Variants in DICER1 observed in about 807,000 individuals in gnomAD.
DICER1 encodes dicer 1, ribonuclease III, also known as endoribonuclease Dicer.
Under a neutral mutation model 194.1 loss-of-function variants are expected in DICER1, and 43 were observed. The ratio of observed to expected loss-of-function variants is 0.22; its 90% CI spans 0.17 to 0.29. The LOEUF (loss-of-function observed/expected upper bound fraction) is 0.29. Among genes scored for constraint, DICER1 ranks in the 10% least tolerant of loss-of-function variants. The pLI, the probability that DICER1 is intolerant of heterozygous loss-of-function variation, is 1.00. For missense variants in DICER1, 1,608 were observed against 2,317.0 expected (o/e 0.69, Z 6.28); for synonymous variants, 832 against 820.5 (o/e 1.01, Z -0.24).
At chr14:95,122,439 C>T (rs1264905938) in intron 8 of DICER1, among the ~76,000 whole-genome samples, 1 of 152,146 alleles carries the variant, frequency 6.6e-6, no homozygotes, top group Non-Finnish European at 1.5e-5. Context: ...TCCCAAAATG[C>T]TTTTTCCCTG....
chr14:95,094,062 C>T lies in DICER1; in HGVS notation c.5190G>A (p.Gly1730=), dbSNP rs371759757. 17 of 1,613,904 alleles carry T rather than the reference C, an allele frequency of 1.1e-5. No homozygotes were observed. The highest frequency in any genetic ancestry group is 3.3e-4 in the Middle Eastern group (2 of 6,084). ...LYEDPRQHSP[G]VLTDLRSALV... is the part of the protein sequence containing the mutation. ...GGGCAGACCGCAGGTCTGTCAGGAC[C>T]CCCGGGGAGTGCTGCCGCGGGTCTT... Residue 1730 remains glycine, a synonymous_variant, in exon 24 of 27, where the codon GGG becomes GGA. Transcript: ENST00000343455.
chr14:95,147,871 G>T (rs1355185692), intron 1 of DICER1, among the ~76,000 whole-genome samples: 1 of 152,162 alleles, frequency 6.6e-6, no homozygotes, highest in Non-Finnish European at 1.5e-5. Flanking sequence ...CAGTCCTTGG[G>T]GAAAAACTTA....
At chr14:95,129,913 T>C in intron 5 of DICER1, 145 bp downstream of exon 5, 1 of 730,478 alleles carries the variant, frequency 1.4e-6, no homozygotes, top group Non-Finnish European at 2.2e-6. Context: ...TAAATGAACA[T>C]TAATTTAATA....
rs1201688337 is a variant in DICER1, at chr14:95,087,867, A to C, written c.*2631T>G. 3 of 233,078 alleles carry C rather than the reference A, an allele frequency of 1.3e-5. No individual in the cohort carries two copies. Among genetic ancestry groups the C allele is most frequent in the African/African-American group, 4.4e-5 (2 of 45,326 alleles). The allele number at this position is 233,078 out of a possible 1,614,324, so 14.4% of individuals were successfully genotyped here. A position where few individuals can be genotyped will look rare whatever the true frequency, so the allele number is the denominator to read the frequency against. ...CATATTACATTCGGTCTCACATTGC[A>C]ATCACAGGAACACAGGGTGGCACAC... On this transcript the variant is annotated 3_prime_UTR_variant, in exon 27 of 27. Coordinates refer to ENST00000343455, the MANE Select transcript of DICER1 (RefSeq NM_177438.3).
chr14:95,096,307 T>A lies in DICER1; in HGVS notation c.4613A>T (p.Asp1538Val), dbSNP rs2139847288. The change falls in exon 23 of 27, where the codon GAC becomes GTC. Residue 1538 changes from aspartate to valine, a missense_variant. Coordinates refer to ENST00000343455, the MANE Select transcript of DICER1 (RefSeq NM_177438.3). Reference protein sequence around the residue: ...WNPSEENCGVDTGKQSISYDL... With the variant: ...WNPSEENCGVVTGKQSISYDL... ...GTAAGAAATGGACTGCTTTCCCGTG[T>A]CAACACCACAGTTTTCTTCTGATGG... is the stretch of plus-strand genomic sequence containing the variant. 1 of 1,614,220 alleles carries A rather than the reference T, an allele frequency of 6.2e-7. No individual in the cohort carries two copies. The highest frequency in any genetic ancestry group is 1.1e-5 in the South Asian group (1 of 91,080).
chr14:95,135,192 C>T (rs976393324), intron 1 of DICER1, among the ~76,000 whole-genome samples: 1 of 152,166 alleles, frequency 6.6e-6, no homozygotes, highest in South Asian at 2.1e-4. Flanking sequence ...CCACAATTCT[C>T]CTTCATGACT....
At position 95,112,217 on chromosome 14, in the gene DICER1, C is replaced by G. The variant is rs1158581801; in HGVS notation, c.2071G>C (p.Glu691Gln). ...GPPMSCVRLA[E>Q]RVVALICCEK... ...CAGCAAATGAGAGCTACAACTCTTT[C>G]AGCCAATCGTACACAGCTCATTGGT... The change falls in exon 13 of 27, where the codon GAA becomes CAA. Residue 691 changes from glutamate (E) to glutamine (Q), a missense_variant. Physicochemically the swap from Glu to Gln is conservative, Grantham distance 29. This residue lies in a region of DICER1 where 657 missense variants were observed against 910.1 expected (regional missense o/e 0.72). Coordinates refer to ENST00000343455, the MANE Select transcript of DICER1 (RefSeq NM_177438.3). 2 of 1,613,930 alleles carry G rather than the reference C, an allele frequency of 1.2e-6. No homozygotes were observed. Among genetic ancestry groups the G allele is most frequent in the Non-Finnish European group, 1.7e-6 (2 of 1,179,982 alleles).
At chr14:95,132,307 C>A (rs1254534788) in intron 3 of DICER1, among the ~76,000 whole-genome samples, 9 of 152,130 alleles carry the variant, frequency 5.9e-5, no homozygotes, top group African/African-American at 1.9e-4. Context: ...CAAAAGCAAT[C>A]CATTCAAAAG....
chr14:95,101,262 G>A (rs960114443), intron 21 of DICER1, among the ~76,000 whole-genome samples: 5 of 152,210 alleles, frequency 3.3e-5, no homozygotes, highest in Admixed American at 6.5e-5. Context: ...CATCAGGGCT[G>A]AAAGGGCCTG....
In DICER1 at chr14:95,115,748, T is replaced by C. The variant is rs1595406478; in HGVS notation, c.1826A>G (p.Asp609Gly). 1.2e-6 allele frequency: 2 copies of C among 1,614,132 alleles called. No homozygotes were observed. Among genetic ancestry groups the C allele is most frequent in the East Asian group, 4.5e-5 (2 of 44,882 alleles). Reference sequence around the variant, plus strand: ...CCTCAACACATATGGTGGGAAAACGTCATCATCATCCATGACAGGATCAAT... The same window carrying C: ...CCTCAACACATATGGTGGGAAAACGCCATCATCATCCATGACAGGATCAAT... ...TDIDPVMDDD[D>G]VFPPYVLRPD... Residue 609 changes from aspartate (D) to glycine (G), a missense_variant, in exon 11 of 27, where the codon GAC becomes GGC. This residue lies in a region of DICER1 where 657 missense variants were observed against 910.1 expected (regional missense o/e 0.72). Coordinates refer to ENST00000343455, the MANE Select transcript of DICER1 (RefSeq NM_177438.3).
In DICER1 at chr14:95,088,488, C is replaced by G. The variant is rs923753708; in HGVS notation, c.*2010G>C. 3 of 232,234 alleles carry G rather than the reference C, an allele frequency of 1.3e-5. No homozygotes were observed. The highest frequency in any genetic ancestry group is 2.6e-5 in the Non-Finnish European group (3 of 117,308). The allele number at this position is 232,234 out of a possible 1,614,324, so 14.4% of individuals were successfully genotyped here. On this transcript the variant is annotated 3_prime_UTR_variant, in exon 27 of 27. Transcript: ENST00000343455. ...CCCTCAGAATAAAATTCACATCCAG[C>G]CTTGTTAACTGCACACTTTTACAGT...
chr14:95,096,001 C>A lies in DICER1; in HGVS notation c.4919G>T (p.Gly1640Val). The A allele has an allele frequency of 6.2e-7, 1 of 1,614,178 alleles. No individual in the cohort carries two copies. The highest frequency in any genetic ancestry group is 8.5e-7 in the Non-Finnish European group (1 of 1,180,044). ...ACATCTTGGTGGAATCTTCAAACAA[C>A]CATATTCCGAGTCTTTCAATACAGA... ...RSSVLKDSEY[G>V]CLKIPPRCMF... Residue 1640 changes from glycine to valine, a missense_variant, in exon 23 of 27, where the codon GGT (glycine) becomes GTT (valine). Transcript: ENST00000343455.
Position 95,124,549 on chromosome 14 carries a change from G to A in DICER1, c.1023C>T (p.His341=), listed in dbSNP as rs766461716. 5 of 1,613,832 alleles carry A rather than the reference G, an allele frequency of 3.1e-6. No individual in the cohort carries two copies. Among genetic ancestry groups the A allele is most frequent in the Non-Finnish European group, 4.2e-6 (5 of 1,179,992 alleles). The change falls in exon 8 of 27, where the codon CAC becomes CAT. Residue 341 remains histidine, a synonymous_variant. Transcript: ENST00000343455. The surrounding 1 kb of genome is among the most constrained non-coding windows in gnomAD (Gnocchi z 4.5). ...KYIKHEQEEL[H]RKFLLFTDTF... Reference sequence around the variant, plus strand: ...TGTCTGTAAACAATAAAAATTTCCTGTGCAGCTCCTCTTGCTCATGTTTGA... The same window carrying A: ...TGTCTGTAAACAATAAAAATTTCCTATGCAGCTCCTCTTGCTCATGTTTGA...
chr14:95,124,131 G>T lies in DICER1; in HGVS notation c.1376+65C>A. The T allele has an allele frequency of 4.3e-6, 5 of 1,172,830 alleles. No homozygotes were observed. Among genetic ancestry groups the T allele is most frequent in the Non-Finnish European group, 6.3e-6 (5 of 789,806 alleles). 72.7% of individuals were successfully genotyped at this position (1,172,830 alleles called of 1,614,324 possible). A position where few individuals can be genotyped will look rare whatever the true frequency, so the allele number is the denominator to read the frequency against. ...TGCTAGCTCTTACAGCTGCTGCAGC[G>T]CATCACATCACAACACAGGACGCCT... On this transcript the variant is annotated intron_variant, in intron 8 of 26. Transcript: ENST00000343455. The surrounding 1 kb of genome is among the most constrained non-coding windows in gnomAD (Gnocchi z 4.5).
intron 1 of DICER1, among the ~76,000 whole-genome samples, chr14:95,156,276 C>G (rs1184320245): frequency 6.6e-6 from 1 of 152,208 alleles, no homozygotes; most frequent in East Asian, 1.9e-4. Flanking sequence ...AAGACAGAAG[C>G]ATAGGCGTCC....
intron 8 of DICER1, among the ~76,000 whole-genome samples, chr14:95,121,059 G>T (rs1171258195): frequency 1.3e-5 from 2 of 152,164 alleles, no homozygotes; most frequent in Non-Finnish European, 2.9e-5. Context: ...AATGTGACTA[G>T]AAGAGCAGGT....
At chr14:95,134,634 A>G (rs1448028808) in intron 1 of DICER1, 1 of 152,210 alleles carries the variant, frequency 6.6e-6, no homozygotes, top group African/African-American at 2.4e-5. Context: ...GGTCTCTTAT[A>G]CAACACAATA....
chr14:95,112,571 A>G (rs548344664), intron 12 of DICER1, among the ~76,000 whole-genome samples: 22 of 152,224 alleles, frequency 1.4e-4, no homozygotes, highest in Admixed American at 2.6e-4. Flanking sequence ...TTATCAAAAC[A>G]TAGCTATAAC....
intron 1 of DICER1, among the ~76,000 whole-genome samples, chr14:95,155,245 A>C (rs1324759195): frequency 6.6e-6 from 1 of 152,158 alleles, no homozygotes; most frequent in Non-Finnish European, 1.5e-5. Context: ...ACTCAATAAC[A>C]CGTTTCCCTT....
Sources: allele counts gnomAD v4.1 joint callset (sites outside exome capture counted in the v4.1 genomes callset), GRCh38; gene constraint gnomAD v4.1.1; regional missense constraint gnomAD v4.1.1; non-coding constraint Gnocchi (gnomAD v3.1); transcripts MANE v1.5; gene names NCBI Gene and HGNC (gene_info 2026-07-23, HGNC 2026-07-21).